CDH6: variants seen among roughly 807,000 people sequenced by gnomAD.
CDH6 encodes cadherin 6.
In CDH6, 31 loss-of-function variants were observed where a neutral mutation model predicts 78.0. The ratio of observed to expected loss-of-function variants is 0.40; its 90% CI spans 0.30 to 0.54. The LOEUF is 0.54. Ranked by LOEUF, CDH6 falls within the 20% of genes least tolerant of loss-of-function variation. The probability of loss-of-function intolerance (pLI) is 0.56; values close to 1 mark genes in which losing one functional copy is unlikely to be tolerated. For synonymous variants in CDH6, 376 were observed against 368.8 expected (o/e 1.02, Z -0.23); for missense variants, 724 against 975.9 (o/e 0.74, Z 3.44).
At chr5:31,235,046 T>C (rs1741414143) in intron 1 of CDH6, among the ~76,000 whole-genome samples, 1 of 152,126 alleles carries the variant, frequency 6.6e-6, no homozygotes, top group Non-Finnish European at 1.5e-5. Context: ...AATTAATAGA[T>C]GGTTCAACCT....
intron 1 of CDH6, among the ~76,000 whole-genome samples, chr5:31,266,200 G>A (rs189208697): frequency 1.7e-3 from 259 of 152,032 alleles, no homozygotes; most frequent in Middle Eastern, 3.4e-3. Flanking sequence ...GCATAAACTA[G>A]TAAACCAATT....
At chr5:31,233,252 AAG>A in intron 1 of CDH6, among the ~76,000 whole-genome samples, 1 of 152,292 alleles carries the variant, frequency 6.6e-6, no homozygotes, top group East Asian at 1.9e-4. Flanking sequence ...TAAAAGCTAA[AAG>A]AGAAGAGAGA....
At chr5:31,273,730 T>C (rs1742599847) in intron 2 of CDH6, among the ~76,000 whole-genome samples, 1 of 135,176 alleles carries the variant, frequency 7.4e-6, no homozygotes, top group Non-Finnish European at 1.7e-5. Context: ...AACCCAAAGG[T>C]AGAGAAAAAA....
chr5:31,260,091 G>A (rs16900794), intron 1 of CDH6, among the ~76,000 whole-genome samples: 20,229 of 152,234 alleles, frequency 0.13, 2,566 homozygotes, highest in African/African-American at 0.33. Context: ...AAGAGGCAAA[G>A]TGTGGCCCTA....
At chr5:31,292,748 T>C (rs1429676135) in intron 2 of CDH6, among the ~76,000 whole-genome samples, 2 of 59,396 alleles carry the variant, frequency 3.4e-5, no homozygotes, top group Admixed American at 2.1e-4. Context: ...GCAGACTGAA[T>C]ATATATATAT....
chr5:31,215,913 G>A (rs748528961), intron 1 of CDH6, among the ~76,000 whole-genome samples: 22 of 152,042 alleles, frequency 1.4e-4, no homozygotes, highest in Non-Finnish European at 2.9e-4. Context: ...AGAGACAGAT[G>A]ACCTAAAACC....
chr5:31,283,212 C>T (rs1742909519), intron 2 of CDH6, among the ~76,000 whole-genome samples: 1 of 152,144 alleles, frequency 6.6e-6, no homozygotes, highest in Non-Finnish European at 1.5e-5. Context: ...GACAGCTCCC[C>T]AAACAGTTAC....
chr5:31,321,040 T>G (rs1016538044), intron 11 of CDH6, among the ~76,000 whole-genome samples: 1 of 151,892 alleles, frequency 6.6e-6, no homozygotes, highest in South Asian at 2.1e-4. Context: ...TATACAGAAG[T>G]ATTTTTCTCC....
intron 7 of CDH6, among the ~76,000 whole-genome samples, chr5:31,311,749 G>A (rs748198565): frequency 2.6e-5 from 4 of 152,132 alleles, no homozygotes; most frequent in Non-Finnish European, 4.4e-5. Context: ...CAGATCTCAT[G>A]AGAATTCACT....
In CDH6 at chr5:31,302,301, A is replaced by G. The variant is rs1737787603; in HGVS notation, c.999+3A>G. The G allele has an allele frequency of 6.2e-7, 1 of 1,606,984 alleles. No homozygotes were observed. Among genetic ancestry groups the G allele is most frequent in the African/African-American group, 1.3e-5 (1 of 74,954 alleles). On this transcript the variant is annotated splice_donor_region_variant and intron_variant, in intron 6 of 11. Transcript: ENST00000265071. ...AAGGGATTATAACTGTCAAAAAGGT[A>G]ATGCCGCTTCTTAAACACCATACAG...
At chr5:31,266,702 T>A (rs1479830062) in intron 1 of CDH6, among the ~76,000 whole-genome samples, 2 of 152,224 alleles carry the variant, frequency 1.3e-5, no homozygotes, top group African/African-American at 4.8e-5. Flanking sequence ...AGGCTTATCT[T>A]TATTGTTGCA....
intron 2 of CDH6, among the ~76,000 whole-genome samples, chr5:31,269,007 TAAA>T (rs1349007197): frequency 6.6e-6 from 1 of 152,196 alleles, no homozygotes; most frequent in Non-Finnish European, 1.5e-5. Flanking sequence ...GTGTGACTAC[TAAA>T]GACAGTTCAG....
chr5:31,226,226 T>C (rs1376180297), intron 1 of CDH6, among the ~76,000 whole-genome samples: 1 of 152,048 alleles, frequency 6.6e-6, no homozygotes, highest in African/African-American at 2.4e-5. Context: ...CCAGGCTGGA[T>C]TGTAGTGGCA....
intron 2 of CDH6, among the ~76,000 whole-genome samples, chr5:31,279,514 T>C (rs570425181): frequency 2.0e-5 from 3 of 152,186 alleles, no homozygotes; most frequent in South Asian, 2.1e-4. Context: ...AAGACTGCAG[T>C]GAGCAAGATC....
At chr5:31,210,255 CTA>C (rs1740659823) in intron 1 of CDH6, among the ~76,000 whole-genome samples, 1 of 152,142 alleles carries the variant, frequency 6.6e-6, no homozygotes, top group Non-Finnish European at 1.5e-5. Context: ...CGACTCACGC[CTA>C]TAATCCCAGC....
At chr5:31,228,542 C>T (rs1347172514) in intron 1 of CDH6, among the ~76,000 whole-genome samples, 3 of 152,164 alleles carry the variant, frequency 2.0e-5, no homozygotes, top group Admixed American at 2.0e-4. Flanking sequence ...AGGCAGTGGT[C>T]CCCAACCTTT....
Position 31,323,429 on chromosome 5 carries a change from C to A in CDH6, c.*121C>A. ...TACCCGTTCCAAAAGCCAATGGCTG[C>A]AGTCCGTGTGGATCCAATGTTAGAG... On this transcript the variant is annotated 3_prime_UTR_variant, in exon 12 of 12. Coordinates refer to ENST00000265071, the MANE Select transcript of CDH6 (RefSeq NM_004932.4). The A allele has an allele frequency of 8.7e-7, 1 of 1,149,312 alleles. No individual in the cohort carries two copies. Among genetic ancestry groups the A allele is most frequent in the Non-Finnish European group, 1.2e-6 (1 of 811,918 alleles). The allele number at this position is 1,149,312 out of a possible 1,614,324, so 71.2% of individuals were successfully genotyped here.
intron 1 of CDH6, among the ~76,000 whole-genome samples, chr5:31,224,373 G>T (rs1262440062): frequency 6.6e-6 from 1 of 152,150 alleles, no homozygotes; most frequent in African/African-American, 2.4e-5. Flanking sequence ...GATGAGATCT[G>T]GGTGGGGACA....
chr5:31,259,587 G>A lies in CDH6; in HGVS notation c.-128-7759G>A, dbSNP rs147262608. The stretch of plus-strand genomic sequence containing the variant: ...TGCCAGAGAACCTAACATTTAAGCA[G>A]AGAATAATATGAAACCCAGTCTTTC... On this transcript the variant is annotated intron_variant, in intron 1 of 11. Transcript: ENST00000265071. 1.4e-3 allele frequency among the ~76,000 whole-genome samples: 213 copies of A among 152,332 alleles called. 1 individual carries two copies. The highest frequency in any genetic ancestry group is 5.1e-3 in the African/African-American group (210 of 41,572).
Sources: allele counts gnomAD v4.1 joint callset (sites outside exome capture counted in the v4.1 genomes callset), GRCh38; gene constraint gnomAD v4.1.1; transcripts MANE v1.5; gene names NCBI Gene and HGNC (gene_info 2026-07-23, HGNC 2026-07-21).